Variants in PAGE1 observed in about 807,000 individuals in gnomAD.
PAGE1 encodes P antigen family member 1.
Under a neutral mutation model 11.5 loss-of-function variants are expected in PAGE1, and 6 were observed. That is an observed-to-expected ratio of 0.52 (90% CI 0.29 to 1.03). PAGE1 has a LOEUF of 1.03. PAGE1 is among the 50% of genes least tolerant of loss of function. The pLI, the probability that PAGE1 is intolerant of heterozygous loss-of-function variation, is 0.09. For synonymous variants in PAGE1, 42 were observed against 40.2 expected, an observed-to-expected ratio of 1.05 and a Z score of -0.17; for missense variants, 120 against 110.2, an observed-to-expected ratio of 1.09 and a Z score of -0.40.
At chrX:49,695,290 C>G (rs1212497497) in intron 1 of PAGE1, among the ~76,000 whole-genome samples, 1 of 112,419 alleles carries the variant, frequency 8.9e-6, no homozygotes, top group African/African-American at 3.2e-5. Flanking sequence ...CCATTCACCC[C>G]CCTCAAATCA....
intron 2 of PAGE1, 82 bp from the exon 3 acceptor site, chrX:49,694,283 C>A: frequency 2.0e-6 from 1 of 498,124 alleles, no homozygotes. Flanking sequence ...TATACGTATA[C>A]ACACAGAGAA....
rs781908016 is a variant in PAGE1 at position 49,694,739 on chromosome X, C to T, written c.32G>A (p.Arg11His). The T allele has an allele frequency of 1.7e-5, 20 of 1,197,241 alleles. No individual in the cohort carries two copies. The highest frequency in any genetic ancestry group is 6.6e-5 in the Admixed American group (3 of 45,468). ...AGATTCTACATAGATCATTGGTCTA[C>T]GCCGATAGATTAATCTTCTTAGAAA... MGFLRRLIYRRRPMIYVESSE... is the reference protein window; with the variant it reads MGFLRRLIYRHRPMIYVESSE... The change falls in exon 2 of 6, where the codon CGT (arginine) becomes CAT (histidine). Residue 11 changes from arginine to histidine, a missense_variant. By Grantham distance (29) the Arg-to-His change is conservative (BLOSUM62 0). Transcript: ENST00000376150.
At chrX:49,692,798 A>C (rs1557142372) in intron 3 of PAGE1, among the ~76,000 whole-genome samples, 1 of 110,187 alleles carries the variant, frequency 9.1e-6, no homozygotes, top group African/African-American at 3.3e-5. Context: ...TTATTTATTT[A>C]TTTATTTGCG....
At chrX:49,691,602 A>C (rs2066920746) in intron 3 of PAGE1, among the ~76,000 whole-genome samples, 1 of 111,580 alleles carries the variant, frequency 9.0e-6, no homozygotes, top group Non-Finnish European at 1.9e-5. Context: ...CCCTCAGACA[A>C]CTTTGTTGCC....
Position 49,694,186 on chromosome X carries a change from G to T in PAGE1, c.79C>A (p.Gln27Lys), listed in dbSNP as rs782572779. ...VESSEESSDE[Q>K]PDEVESPTQS... Reference sequence around the variant, plus strand: ...GTTGGTGATTCCACTTCGTCAGGTTGCTCATCACTGGACTCCTTGTGGTAG... The same window carrying T: ...GTTGGTGATTCCACTTCGTCAGGTTTCTCATCACTGGACTCCTTGTGGTAG... The change falls in exon 3 of 6, where the codon CAA (glutamine) becomes AAA (lysine). Residue 27 changes from glutamine (Q) to lysine (K), a missense_variant. Coordinates refer to ENST00000376150, the MANE Select transcript of PAGE1 (RefSeq NM_003785.4). The T allele has an allele frequency of 8.6e-7, 1 of 1,166,485 alleles. No individual in the cohort carries two copies. The highest frequency in any genetic ancestry group is 1.2e-6 in the Non-Finnish European group (1 of 864,834).
At chrX:49,689,779 TATAC>T (rs1158747287) in intron 4 of PAGE1, among the ~76,000 whole-genome samples, 2 of 64,099 alleles carry the variant, frequency 3.1e-5, no homozygotes, top group Non-Finnish European at 5.3e-5. Context: ...TGTGTGTATA[TATAC>T]ACACATATAT....
At chrX:49,691,494 G>T in intron 3 of PAGE1, 120 bp from the exon 4 acceptor site, 1 of 552,259 alleles carries the variant, frequency 1.8e-6, no homozygotes, top group Non-Finnish European at 2.7e-6. Context: ...TAATAAATGT[G>T]TTGATAAGAA....
chrX:49,690,136 T>C (rs1255853831), intron 4 of PAGE1, among the ~76,000 whole-genome samples: 1 of 83,631 alleles, frequency 1.2e-5, no homozygotes, highest in Non-Finnish European at 2.3e-5. Flanking sequence ...TATATACACA[T>C]ATATATGTGT....
Position 49,691,347 on chromosome X carries a change from T to A in PAGE1, c.194A>T (p.Glu65Val). 9 of 1,207,305 alleles carry A rather than the reference T, an allele frequency of 7.5e-6. No individual in the cohort carries two copies. The highest frequency in any genetic ancestry group is 1.0e-5 in the Non-Finnish European group (9 of 892,718). ...QGQEPEADSQELVQPKTGCEL... is the reference protein window; with the variant it reads ...QGQEPEADSQVLVQPKTGCEL... ...ACACCCAGTCTTTGGCTGAACCAGT[T>A]CCTGGCTATCAGCTTCAGGCTCCTG... Residue 65 changes from glutamate (E) to valine (V), a missense_variant, in exon 4 of 6, where the codon GAA becomes GTA. Coordinates refer to ENST00000376150, the MANE Select transcript of PAGE1 (RefSeq NM_003785.4).
At chrX:49,690,071 A>ATATATGTG (rs2066912697) in intron 4 of PAGE1, among the ~76,000 whole-genome samples, 15 of 57,487 alleles carry the variant, frequency 2.6e-4, no homozygotes, top group Admixed American at 4.2e-4. Flanking sequence ...ATATACACAC[A>ATATATGTG]TATATATGTG....
intron 4 of PAGE1, 128 bp from the exon 5 acceptor site, chrX:49,689,671 T>TATGTGTGTATATATATAC (rs2066902194): frequency 1.3e-5 from 1 of 78,232 alleles, no homozygotes; most frequent in Non-Finnish European, 1.9e-5. Context: ...TATATACATA[T>TATGTGTGTATATATATAC]ACATATATGT....
intron 3 of PAGE1, among the ~76,000 whole-genome samples, chrX:49,691,976 A>G (rs1025329779): frequency 9.0e-6 from 1 of 110,827 alleles, no homozygotes; most frequent in African/African-American, 3.3e-5. Context: ...GGCTCTGCTA[A>G]AAATACAAAA....
chrX:49,693,950 T>G (rs2066930032), intron 3 of PAGE1, 149 bp downstream of exon 3: 1 of 366,967 alleles, frequency 2.7e-6, no homozygotes, highest in Admixed American at 4.7e-5. Flanking sequence ...CTCTTCACTT[T>G]TCCAGTCAAT....
chrX:49,689,616 A>G (rs1423422244), intron 4 of PAGE1, 73 bp from the exon 5 acceptor site: 7 of 92,547 alleles, frequency 7.6e-5, no homozygotes, highest in Admixed American at 2.5e-4. Flanking sequence ...ATATATACAT[A>G]TACATATATA....
chrX:49,693,998 T>C (rs2066930254), intron 3 of PAGE1, 101 bp downstream of exon 3: 1 of 440,064 alleles, frequency 2.3e-6, no homozygotes, highest in Non-Finnish European at 3.8e-6. Flanking sequence ...TTCCTCCTGT[T>C]CCTGGTATGT....
At chrX:49,695,296 A>C (rs781851589) in intron 1 of PAGE1, among the ~76,000 whole-genome samples, 1 of 111,746 alleles carries the variant, frequency 8.9e-6, no homozygotes, top group African/African-American at 3.3e-5. Flanking sequence ...ACCCCCCTCA[A>C]ATCAAGTTTG....
intron 3 of PAGE1, among the ~76,000 whole-genome samples, chrX:49,692,783 A>ATTATTTATTTATTTATTTATTTATTTAT (rs781833593): frequency 1.8e-5 from 2 of 109,638 alleles, no homozygotes; most frequent in South Asian, 7.7e-4. Context: ...CGAAACATTT[A>ATTATTTATTTATTTATTTATTTATTTAT]TTATTTATTT....
At chrX:49,693,265 T>C (rs2066927477) in intron 3 of PAGE1, among the ~76,000 whole-genome samples, 1 of 111,845 alleles carries the variant, frequency 8.9e-6, no homozygotes. Flanking sequence ...ATAACACTAT[T>C]TGTGAATTAC....
chrX:49,695,665 G>T (rs1557142764), intron 1 of PAGE1, among the ~76,000 whole-genome samples: 7 of 112,082 alleles, frequency 6.2e-5, no homozygotes, highest in Admixed American at 9.4e-5. Context: ...TCCCTGTCCT[G>T]GCCCCTTCAC....
Sources: gnomAD v4.1 joint callset for allele counts (sites outside exome capture counted in the v4.1 genomes callset) on GRCh38, gnomAD v4.1.1 for gene constraint, MANE v1.5 for transcripts, NCBI Gene and HGNC (gene_info 2026-07-23, HGNC 2026-07-21) for gene names.